The following CCDC102B variants were observed in gnomAD, a reference collection of about 807,000 sequenced individuals.
CCDC102B encodes coiled-coil domain-containing protein 102B.
CCDC102B carries 75 observed loss-of-function variants against 57.4 expected under a neutral mutation model. The observed-to-expected ratio is 1.31, with a 90% CI of 1.08 to 1.58. The LOEUF is 1.58. CCDC102B is among the 40% of genes most tolerant of loss of function. The probability of loss-of-function intolerance (pLI) is 0.00; values close to 1 mark genes in which losing one functional copy is unlikely to be tolerated. For missense variants in CCDC102B, 636 were observed against 582.6 expected (o/e 1.09, Z -0.94); for synonymous variants, 206 against 201.9 (o/e 1.02, Z -0.17).
At chr18:68,725,835 C>A (rs548260698) in intron 2 of CCDC102B, among the ~76,000 whole-genome samples, 1 of 152,158 alleles carries the variant, frequency 6.6e-6, no homozygotes, top group Non-Finnish European at 1.5e-5. Flanking sequence ...GGAATGGACA[C>A]CTTTAGAATT....
chr18:68,840,064 T>A (rs2037561548), intron 3 of CCDC102B, among the ~76,000 whole-genome samples: 1 of 152,162 alleles, frequency 6.6e-6, no homozygotes, highest in African/African-American at 2.4e-5. Flanking sequence ...AATAGTAATA[T>A]GAAATGTTCA....
At chr18:68,732,340 T>C (rs2032911088) in intron 2 of CCDC102B, among the ~76,000 whole-genome samples, 1 of 148,776 alleles carries the variant, frequency 6.7e-6, no homozygotes, top group Non-Finnish European at 1.5e-5. Flanking sequence ...GAAGGCCTTC[T>C]TTTTTTTTCT....
At chr18:68,744,634 T>C (rs1331300633) in intron 2 of CCDC102B, among the ~76,000 whole-genome samples, 1 of 152,124 alleles carries the variant, frequency 6.6e-6, no homozygotes, top group Non-Finnish European at 1.5e-5. Context: ...TCTCATACCA[T>C]GGATTCAACC....
intron 2 of CCDC102B, among the ~76,000 whole-genome samples, chr18:68,748,205 G>GGTATGTGTGTGTGTGTGTGT (rs530957083): frequency 1.0e-4 from 14 of 137,502 alleles, no homozygotes; most frequent in Non-Finnish European, 1.9e-4. Flanking sequence ...TTATTAAACT[G>GGTATGTGTGTGTGTGTGTGT]GTGTGTGTGT....
intron 5 of CCDC102B, among the ~76,000 whole-genome samples, chr18:68,889,412 T>G (rs1304872998): frequency 6.6e-6 from 1 of 152,092 alleles, no homozygotes; most frequent in East Asian, 1.9e-4. Flanking sequence ...AGAAATAAAT[T>G]AGTGGTTTTG....
rs143169278 is a variant in CCDC102B, at chr18:68,724,531, C to T, written c.-67+7937C>T. 1.7e-3 allele frequency among the ~76,000 whole-genome samples: 259 copies of T among 152,272 alleles called. 4 individuals carry two copies. The East Asian group carries it at 0.03, about 18-fold the overall frequency. On this transcript the variant is annotated intron_variant, in intron 2 of 3. Transcript: ENST00000578970. ...AGTTCAAAGTTCCACAGATCTTTAG[C>T]GCAGGGGCAAAATGCTGCCAGTCTC...
chr18:68,808,052 C>A (rs553707763), intron 1 of CCDC102B, among the ~76,000 whole-genome samples: 1 of 152,224 alleles, frequency 6.6e-6, no homozygotes, highest in South Asian at 2.1e-4. Flanking sequence ...CTCAAGATTA[C>A]AAACTCATCT....
intron 2 of CCDC102B, among the ~76,000 whole-genome samples, chr18:68,777,640 G>T (rs763016702): frequency 1.8e-4 from 27 of 152,104 alleles, no homozygotes; most frequent in Non-Finnish European, 3.4e-4. Flanking sequence ...AAGAAACTAT[G>T]TTATGGTATA....
intron 5 of CCDC102B, among the ~76,000 whole-genome samples, chr18:68,890,499 A>G (rs2040036496): frequency 6.6e-6 from 1 of 152,204 alleles, no homozygotes; most frequent in Non-Finnish European, 1.5e-5. Flanking sequence ...TTTGGGGATT[A>G]TAGACTTGGG....
intron 6 of CCDC102B, among the ~76,000 whole-genome samples, chr18:68,914,285 A>G (rs895072819): frequency 6.6e-6 from 1 of 152,108 alleles, no homozygotes; most frequent in African/African-American, 2.4e-5. Context: ...CGCATGTGCT[A>G]GGTGAATTGG....
intron 1 of CCDC102B, among the ~76,000 whole-genome samples, chr18:68,816,797 G>A (rs1202203805): frequency 2.0e-5 from 3 of 152,088 alleles, no homozygotes; most frequent in African/African-American, 4.8e-5. Flanking sequence ...AAAAAGTCTT[G>A]CAGAAAATTT....
chr18:68,858,642 C>T (rs540004317), intron 4 of CCDC102B, among the ~76,000 whole-genome samples: 5 of 152,114 alleles, frequency 3.3e-5, no homozygotes, highest in East Asian at 1.9e-4. Context: ...GGGTTGTATC[C>T]GTCACTTTGA....
chr18:68,822,599 G>A (rs1418893776), intron 1 of CCDC102B, among the ~76,000 whole-genome samples: 2 of 152,102 alleles, frequency 1.3e-5, no homozygotes, highest in Admixed American at 1.3e-4. Flanking sequence ...CCAGGTAGGA[G>A]AGTATAGTAC....
chr18:69,002,861 C>T (rs897842437), intron 6 of CCDC102B, among the ~76,000 whole-genome samples: 5 of 152,048 alleles, frequency 3.3e-5, no homozygotes, highest in Admixed American at 6.6e-5. Context: ...AGATCTTTAC[C>T]CTGTCTGCCC....
chr18:68,971,854 T>C (rs1054357250), intron 6 of CCDC102B, among the ~76,000 whole-genome samples: 1 of 152,160 alleles, frequency 6.6e-6, no homozygotes, highest in African/African-American at 2.4e-5. Context: ...AAAATACATA[T>C]TATATCAATT....
chr18:68,974,829 T>C (rs956982850), intron 6 of CCDC102B, among the ~76,000 whole-genome samples: 1 of 151,946 alleles, frequency 6.6e-6, no homozygotes, highest in Non-Finnish European at 1.5e-5. Flanking sequence ...TAAGATTTTA[T>C]GATCTACAGG....
chr18:68,987,776 C>CA (rs146775836), intron 6 of CCDC102B, among the ~76,000 whole-genome samples: 5,273 of 150,814 alleles, frequency 0.035, 284 homozygotes, highest in African/African-American at 0.11. Flanking sequence ...AACAAATGGC[C>CA]AAAAAAAACC....
intron 6 of CCDC102B, among the ~76,000 whole-genome samples, chr18:68,948,059 CA>C (rs2049589899): frequency 6.6e-6 from 1 of 152,082 alleles, no homozygotes; most frequent in Admixed American, 6.6e-5. Flanking sequence ...AATGCTTTTG[CA>C]ATATATATAC....
rs1215014771 is a variant in CCDC102B, at chr18:69,054,131, C to T, written c.1536C>T (p.Asn512=). The T allele has an allele frequency of 6.3e-7, 1 of 1,595,236 alleles. No homozygotes were observed. The highest frequency in any genetic ancestry group is 8.5e-7 in the Non-Finnish European group (1 of 1,174,454). The part of the protein sequence containing the change: ...NLETELRHLQ[N]W ...AGACTGAACTCAGGCACTTGCAAAA[C>T]TGGTAATTTTTTCACAAAATATGCT... Residue 512 remains asparagine, a synonymous_variant, in exon 8 of 8, where the codon AAC becomes AAT. Transcript: ENST00000360242.
Sources: gnomAD v4.1 joint callset for allele counts (sites outside exome capture counted in the v4.1 genomes callset) on GRCh38, gnomAD v4.1.1 for gene constraint, MANE v1.5 for transcripts, NCBI Gene and HGNC (gene_info 2026-07-23, HGNC 2026-07-21) for gene names.